NEGR1: variants seen among roughly 807,000 people sequenced by gnomAD.
NEGR1 encodes the protein IgLON family member 4.
A neutral mutation model predicts 40.9 loss-of-function variants in NEGR1; 10 were observed. The ratio of observed to expected loss-of-function variants is 0.24; its 90% CI spans 0.15 to 0.42. The LOEUF is 0.42. Ranked by LOEUF, NEGR1 falls within the 10% of genes least tolerant of loss-of-function variation. The probability of loss-of-function intolerance (pLI) is 1.00; values close to 1 mark genes in which losing one functional copy is unlikely to be tolerated. For synonymous variants in NEGR1, 185 were observed against 166.8 expected (o/e 1.11, Z -0.84); for missense variants, 352 against 438.9 (o/e 0.80, Z 1.77).
At chr1:71,620,183 T>C (rs1650566933) in intron 4 of NEGR1, among the ~76,000 whole-genome samples, 1 of 151,992 alleles carries the variant, frequency 6.6e-6, no homozygotes, top group South Asian at 2.1e-4. Flanking sequence ...TAGTAATGTG[T>C]TTCATGTTAA....
intron 6 of NEGR1, among the ~76,000 whole-genome samples, chr1:71,431,850 G>A (rs537601855): frequency 3.3e-5 from 5 of 152,284 alleles, no homozygotes; most frequent in Admixed American, 1.3e-4. Context: ...TTTAAATAAA[G>A]TAATTCTTTG....
intron 4 of NEGR1, among the ~76,000 whole-genome samples, chr1:71,675,215 G>A (rs916480914): frequency 1.4e-5 from 2 of 144,320 alleles, no homozygotes; most frequent in African/African-American, 5.0e-5. Context: ...ATTCAGTTAA[G>A]TAAACCTTCA....
intron 6 of NEGR1, among the ~76,000 whole-genome samples, chr1:71,431,935 AC>A (rs1646471976): frequency 6.6e-6 from 1 of 152,166 alleles, no homozygotes; most frequent in South Asian, 2.1e-4. Context: ...GTAGGCAGAG[AC>A]CTGGTTAGTG....
intron 6 of NEGR1, among the ~76,000 whole-genome samples, chr1:71,537,752 G>T (rs1197730425): frequency 6.6e-6 from 1 of 151,716 alleles, no homozygotes; most frequent in African/African-American, 2.4e-5. Context: ...AGTTTAACCA[G>T]AAATTACTTA....
chr1:72,272,620 G>A (rs965265769), intron 1 of NEGR1, among the ~76,000 whole-genome samples: 1 of 151,710 alleles, frequency 6.6e-6, no homozygotes, highest in African/African-American at 2.4e-5. Context: ...AAAAGAAAGG[G>A]GTTTCTGAAG....
At chr1:72,003,545 T>C (rs1307481315) in intron 1 of NEGR1, among the ~76,000 whole-genome samples, 3 of 151,642 alleles carry the variant, frequency 2.0e-5, no homozygotes, top group Admixed American at 6.6e-5. Flanking sequence ...AGAAAGAAAA[T>C]GGAGAACTTA....
intron 4 of NEGR1, among the ~76,000 whole-genome samples, chr1:71,685,678 G>A (rs773182639): frequency 6.6e-6 from 1 of 151,948 alleles, no homozygotes; most frequent in Non-Finnish European, 1.5e-5. Context: ...GCCTCTCCAC[G>A]TGTGTACTCC....
chr1:72,183,868 T>G (rs1412968394), intron 1 of NEGR1, among the ~76,000 whole-genome samples: 2 of 152,018 alleles, frequency 1.3e-5, no homozygotes, highest in Non-Finnish European at 2.9e-5. Flanking sequence ...GGCCTTCAAG[T>G]ATGAGTAATA....
intron 1 of NEGR1, among the ~76,000 whole-genome samples, chr1:72,265,939 T>C (rs1264821711): frequency 1.3e-5 from 2 of 150,856 alleles, no homozygotes; most frequent in African/African-American, 4.8e-5. Context: ...CAGTATGTAC[T>C]CTAGAATTGA....
At chr1:71,958,341 T>C (rs995477224) in intron 1 of NEGR1, among the ~76,000 whole-genome samples, 80 of 152,324 alleles carry the variant, frequency 5.3e-4, no homozygotes, top group African/African-American at 1.8e-3. Flanking sequence ...TGCATCAGTA[T>C]GTTAACTTAA....
chr1:71,665,067 A>AT (rs1557604840), intron 4 of NEGR1, among the ~76,000 whole-genome samples: 1 of 152,176 alleles, frequency 6.6e-6, no homozygotes, highest in Non-Finnish European at 1.5e-5. Flanking sequence ...CATATCAAAT[A>AT]TTTACCAAAG....
At chr1:71,491,664 C>A (rs1646928607) in intron 6 of NEGR1, among the ~76,000 whole-genome samples, 1 of 151,734 alleles carries the variant, frequency 6.6e-6, no homozygotes, top group Non-Finnish European at 1.5e-5. Context: ...TCCAACCTTA[C>A]CGTGGCCAGC....
At chr1:71,441,822 T>A (rs545592773) in intron 6 of NEGR1, among the ~76,000 whole-genome samples, 2 of 152,278 alleles carry the variant, frequency 1.3e-5, no homozygotes, top group South Asian at 4.1e-4. Context: ...GGACAAGCAT[T>A]TACAAACAAA....
At chr1:71,612,621 A>G (rs1249900343) in intron 4 of NEGR1, among the ~76,000 whole-genome samples, 1 of 152,194 alleles carries the variant, frequency 6.6e-6, no homozygotes, top group Non-Finnish European at 1.5e-5. Flanking sequence ...ACAAAAACAA[A>G]ACCCTTATAG....
chr1:71,909,569 T>C (rs1661367712), intron 2 of NEGR1, among the ~76,000 whole-genome samples: 1 of 152,204 alleles, frequency 6.6e-6, no homozygotes, highest in African/African-American at 2.4e-5. Flanking sequence ...GTAAATTTTA[T>C]AACCAAAACT....
intron 3 of NEGR1, among the ~76,000 whole-genome samples, chr1:71,765,289 G>A (rs530877308): frequency 1.9e-4 from 29 of 152,128 alleles, no homozygotes; most frequent in African/African-American, 6.7e-4. Flanking sequence ...ATATTCACCT[G>A]ACCTCTTGCC....
intron 6 of NEGR1, chr1:71,477,023 T>C (rs1277843671): frequency 6.6e-6 from 1 of 152,138 alleles, no homozygotes; most frequent in African/African-American, 2.4e-5. Context: ...TACCATAGCT[T>C]GTCTACAAAG....
chr1:71,536,288 C>T (rs1647511370), intron 6 of NEGR1, among the ~76,000 whole-genome samples: 1 of 151,630 alleles, frequency 6.6e-6, no homozygotes, highest in African/African-American at 2.4e-5. Context: ...AAATTTGATG[C>T]CCATGGTGTT....
At chr1:71,600,092 T>C (rs1303956122) in intron 5 of NEGR1, among the ~76,000 whole-genome samples, 1 of 152,218 alleles carries the variant, frequency 6.6e-6, no homozygotes, top group Non-Finnish European at 1.5e-5. Flanking sequence ...AGAAATCAGC[T>C]TCCTTTCTCT....
Sources: gnomAD v4.1 joint callset for allele counts (sites outside exome capture counted in the v4.1 genomes callset) on GRCh38, gnomAD v4.1.1 for gene constraint, MANE v1.5 for transcripts, NCBI Gene and HGNC (gene_info 2026-07-23, HGNC 2026-07-21) for gene names.